Variants in EIF2B3 observed in about 807,000 individuals in gnomAD.
EIF2B3 encodes the protein eukaryotic translation initiation factor 2B subunit gamma.
Under a neutral mutation model 54.1 loss-of-function variants are expected in EIF2B3, and 20 were observed. The observed-to-expected ratio is 0.37, with a 90% CI of 0.26 to 0.54. The LOEUF is 0.54. Among genes scored for constraint, EIF2B3 ranks in the 20% least tolerant of loss-of-function variants. EIF2B3 has a pLI of 0.86. For synonymous variants in EIF2B3, 153 were observed against 188.1 expected (o/e 0.81, Z 1.52); for missense variants, 448 against 547.8 (o/e 0.82, Z 1.82).
intron 5 of EIF2B3, chr1:44,925,118 T>C (rs1643826224): frequency 6.6e-6 from 1 of 152,240 alleles, no homozygotes; most frequent in South Asian, 2.1e-4. Flanking sequence ...GGAAACAGTA[T>C]GTAGTTTCCT....
intron 3 of EIF2B3, among the ~76,000 whole-genome samples, chr1:44,964,689 TTA>T (rs1269031321): frequency 2.0e-5 from 3 of 152,216 alleles, no homozygotes; most frequent in African/African-American, 7.2e-5. Context: ...GTTGGTATTA[TTA>T]TCCCTACTTT....
chr1:44,958,363 A>G (rs987704154), intron 3 of EIF2B3, among the ~76,000 whole-genome samples: 1 of 152,198 alleles, frequency 6.6e-6, no homozygotes, highest in African/African-American at 2.4e-5. Context: ...CTGTGGTTCA[A>G]CTTGATTTCT....
At position 44,919,971 on chromosome 1, in the gene EIF2B3, C is replaced by T. The variant is rs188233985; in HGVS notation, c.566+6657G>A. 4.6e-3 allele frequency among the ~76,000 whole-genome samples: 685 copies of T among 149,098 alleles called. 10 individuals carry two copies. Among genetic ancestry groups the T allele is most frequent in the African/African-American group, 0.016 (660 of 40,638 alleles). On this transcript the variant is annotated intron_variant, in intron 5 of 11. Transcript: ENST00000360403. ...TCCTGACCTCGTGATCCGCCCACCT[C>T]GGCCTCCCAAAGTGCTGGGATTATA...
chr1:44,907,983 ATCATGAGGTAGAG>A (rs897855923), intron 5 of EIF2B3, among the ~76,000 whole-genome samples: 3 of 150,916 alleles, frequency 2.0e-5, no homozygotes, highest in Admixed American at 6.6e-5. Context: ...AGCTCCTCCC[ATCATGAGGTAGAG>A]TCTATTTTGC....
Position 44,922,591 on chromosome 1 carries a change from C to CAAAAAAAA in EIF2B3, c.566+4029_566+4036dup, listed in dbSNP as rs58626731. On this transcript the variant is annotated intron_variant, in intron 5 of 11. Transcript: ENST00000360403. Reference sequence around the variant, plus strand: ...TATAGAGCGAGACTCTGTCTCAAGACAAAAAAAAAAAAAAAAAAATCTGCA... The same window carrying CAAAAAAAA: ...TATAGAGCGAGACTCTGTCTCAAGACAAAAAAAAAAAAAAAAAAAAAAAAAAATCTGCA... 4.0e-3 allele frequency among the ~76,000 whole-genome samples: 348 copies of CAAAAAAAA among 87,504 alleles called. 9 individuals are homozygous for CAAAAAAAA. Among genetic ancestry groups the CAAAAAAAA allele is most frequent in the African/African-American group, 0.014 (333 of 24,236 alleles). The allele number at this position is 87,504 out of a possible 152,430, so 57.4% of individuals were successfully genotyped here.
rs112148237 is a variant in EIF2B3 at position 44,902,460 on chromosome 1, C to A, written c.567-5016G>T. On this transcript the variant is annotated intron_variant, in intron 5 of 11. Transcript: ENST00000360403. The stretch of plus-strand genomic sequence containing the variant: ...AGTGAGCTATGATTGCACTACTGCA[C>A]CCCAGCACCTAGGCGACTAAGCAAG... Among the ~76,000 whole-genome samples the A allele has an allele frequency of 8.3e-3, 1,262 of 151,934 alleles. 10 individuals carry two copies. Among genetic ancestry groups the A allele is most frequent in the Non-Finnish European group, 0.013 (873 of 67,954 alleles).
At chr1:44,937,883 C>G (rs1314253644) in intron 4 of EIF2B3, among the ~76,000 whole-genome samples, 3 of 33,534 alleles carry the variant, frequency 8.9e-5, no homozygotes, top group Non-Finnish European at 1.6e-4. Context: ...GACTCCGTCT[C>G]AAAAAAAAAA....
At chr1:44,887,624 G>T (rs895618204) in intron 6 of EIF2B3, among the ~76,000 whole-genome samples, 7 of 152,186 alleles carry the variant, frequency 4.6e-5, no homozygotes, top group Admixed American at 1.3e-4. Flanking sequence ...CTTCTAAAAA[G>T]ATTTCAATAT....
intron 10 of EIF2B3, among the ~76,000 whole-genome samples, chr1:44,865,057 A>G (rs1654724338): frequency 1.3e-5 from 2 of 152,202 alleles, no homozygotes; most frequent in Admixed American, 1.3e-4. Flanking sequence ...TGTCTCTACT[A>G]AAAATACAAA....
At chr1:44,874,930 C>T (rs1655073915) in intron 9 of EIF2B3, 104 bp from the exon 10 acceptor site, 10 of 1,409,554 alleles carry the variant, frequency 7.1e-6, no homozygotes, top group African/African-American at 1.4e-5. Flanking sequence ...TCCATAGAGA[C>T]ACTTCAGCAA....
At chr1:44,928,108 C>T (rs1194838696) in intron 4 of EIF2B3, among the ~76,000 whole-genome samples, 1 of 152,124 alleles carries the variant, frequency 6.6e-6, no homozygotes, top group Non-Finnish European at 1.5e-5. Context: ...GCCATGACTG[C>T]TGTACTGCAC....
intron 10 of EIF2B3, among the ~76,000 whole-genome samples, chr1:44,861,732 G>A (rs757966956): frequency 3.3e-5 from 5 of 152,208 alleles, no homozygotes; most frequent in Admixed American, 6.5e-5. Context: ...CTGCGGATAT[G>A]ATAGGGAAAG....
At chr1:44,876,962 C>G (rs1020428560) in intron 8 of EIF2B3, among the ~76,000 whole-genome samples, 1 of 146,408 alleles carries the variant, frequency 6.8e-6, no homozygotes, top group African/African-American at 2.6e-5. Context: ...AAGGGCGGTG[C>G]AAGATGTGCT....
At chr1:44,888,927 A>C (rs146944934) in intron 6 of EIF2B3, among the ~76,000 whole-genome samples, 12 of 152,358 alleles carry the variant, frequency 7.9e-5, no homozygotes, top group Non-Finnish European at 1.5e-4. Context: ...TTGCAAGCAC[A>C]AAATTAACTA....
intron 8 of EIF2B3, 35 bp downstream of exon 8, chr1:44,879,783 C>G: frequency 6.2e-7 from 1 of 1,606,962 alleles, no homozygotes; most frequent in Non-Finnish European, 8.5e-7. Context: ...GTTTCTAGGA[C>G]AAGAGCCCCA....
intron 5 of EIF2B3, chr1:44,925,347 T>C (rs1346695882): frequency 6.6e-6 from 1 of 152,164 alleles, no homozygotes; most frequent in East Asian, 1.9e-4. Context: ...CGGAGTATTA[T>C]TCAGCCTTAA....
Position 44,880,729 on chromosome 1 carries a change from G to A in EIF2B3, c.785-721C>T, listed in dbSNP as rs924780602. On this transcript the variant is annotated intron_variant, in intron 7 of 11. Coordinates refer to ENST00000360403, the MANE Select transcript of EIF2B3 (RefSeq NM_020365.5). ...TGTAATCCCAGCACTTTGGGAGGCC[G>A]AGGCGGGTGGATCATGAGGTCAGGA... is the stretch of plus-strand genomic sequence containing the variant. 3.9e-5 allele frequency among the ~76,000 whole-genome samples: 6 copies of A among 152,264 alleles called. No homozygotes were observed. In the South Asian group the frequency reaches 8.3e-4, roughly 21 times the overall value.
chr1:44,933,820 C>A lies in EIF2B3; in HGVS notation c.455-7081G>T, dbSNP rs540128753. 3.9e-5 allele frequency among the ~76,000 whole-genome samples: 6 copies of A among 152,222 alleles called. No homozygotes were observed. In the South Asian group the frequency reaches 1.2e-3, roughly 32 times the overall value. ...TAGGCCATAAAAAACAAGACAAACA[C>A]TTGGTAAATAAGAAAATTATGGCTG... On this transcript the variant is annotated intron_variant, in intron 4 of 11. Coordinates refer to ENST00000360403, the MANE Select transcript of EIF2B3 (RefSeq NM_020365.5).
intron 3 of EIF2B3, among the ~76,000 whole-genome samples, chr1:44,943,400 ATCTATATCTATATCTAT>A (rs1347941090): frequency 7.9e-5 from 12 of 151,178 alleles, no homozygotes; most frequent in African/African-American, 2.7e-4. Context: ...CTATATCTAT[ATCTATATCTATATCTAT>A]ATCTAAATTT....
Sources: allele counts gnomAD v4.1 joint callset (sites outside exome capture counted in the v4.1 genomes callset), GRCh38; gene constraint gnomAD v4.1.1; transcripts MANE v1.5; gene names NCBI Gene and HGNC (gene_info 2026-07-23, HGNC 2026-07-21).